Variants in CCSER1 observed in about 807,000 individuals in gnomAD.
The protein encoded by CCSER1 is serine-rich coiled-coil domain-containing protein 1.
Under a neutral mutation model 82.0 loss-of-function variants are expected in CCSER1, and 41 were observed. The ratio of observed to expected loss-of-function variants is 0.50; its 90% CI spans 0.39 to 0.65. The LOEUF (loss-of-function observed/expected upper bound fraction) is 0.65. Among genes scored for constraint, CCSER1 ranks in the 30% least tolerant of loss-of-function variants. The pLI, the probability that CCSER1 is intolerant of heterozygous loss-of-function variation, is 0.00. For synonymous variants in CCSER1, 414 were observed against 383.9 expected (o/e 1.08, Z -0.92); for missense variants, 1,119 against 1,064.2 (o/e 1.05, Z -0.72).
intron 1 of CCSER1, among the ~76,000 whole-genome samples, chr4:90,200,595 G>C (rs1325158224): frequency 6.6e-6 from 1 of 151,972 alleles, no homozygotes; most frequent in African/African-American, 2.4e-5. Context: ...AAACAGATAA[G>C]ATTACGGCTG....
intron 4 of CCSER1, among the ~76,000 whole-genome samples, chr4:90,416,409 G>T (rs78563045): frequency 6.6e-6 from 1 of 152,024 alleles, no homozygotes; most frequent in Admixed American, 6.6e-5. Flanking sequence ...TTAAAGATAG[G>T]CATATCCAAG....
chr4:91,453,819 A>G (rs948160394), intron 10 of CCSER1, among the ~76,000 whole-genome samples: 1 of 152,110 alleles, frequency 6.6e-6, no homozygotes, highest in African/African-American at 2.4e-5. Flanking sequence ...TTATCATTAT[A>G]TCACATATTT....
chr4:90,959,890 A>G (rs911872859), intron 9 of CCSER1, among the ~76,000 whole-genome samples: 2 of 152,086 alleles, frequency 1.3e-5, no homozygotes, highest in Non-Finnish European at 2.9e-5. Context: ...CATGCTTTGT[A>G]TTCTGGAGCT....
At chr4:90,486,185 C>A (rs1767022619) in intron 5 of CCSER1, among the ~76,000 whole-genome samples, 1 of 152,184 alleles carries the variant, frequency 6.6e-6, no homozygotes, top group South Asian at 2.1e-4. Context: ...ACCCCTCAAT[C>A]TAGGAAAATT....
At chr4:91,165,695 C>A (rs1298164709) in intron 10 of CCSER1, among the ~76,000 whole-genome samples, 1 of 152,262 alleles carries the variant, frequency 6.6e-6, no homozygotes, top group Non-Finnish European at 1.5e-5. Flanking sequence ...GACTGCTGCG[C>A]TAGCAGTCAG....
chr4:91,076,102 A>G (rs375921418), intron 9 of CCSER1, among the ~76,000 whole-genome samples: 217 of 152,206 alleles, frequency 1.4e-3, no homozygotes, highest in African/African-American at 5.1e-3. Flanking sequence ...TTGAAACACA[A>G]TCTTGTCTAA....
intron 10 of CCSER1, among the ~76,000 whole-genome samples, chr4:91,121,779 T>A (rs1374110713): frequency 6.6e-6 from 1 of 151,568 alleles, no homozygotes; most frequent in Admixed American, 6.6e-5. Flanking sequence ...AGCACTATAG[T>A]TATCATTTAT....
intron 3 of CCSER1, among the ~76,000 whole-genome samples, chr4:90,390,915 T>A (rs1465253804): frequency 6.6e-6 from 1 of 152,140 alleles, no homozygotes; most frequent in Non-Finnish European, 1.5e-5. Context: ...AATGTACAAC[T>A]GTTCCTTTTT....
intron 10 of CCSER1, among the ~76,000 whole-genome samples, chr4:91,516,001 A>T (rs1760100405): frequency 6.6e-6 from 1 of 150,964 alleles, no homozygotes. Flanking sequence ...GGCTTCATGT[A>T]TGTCTTCTTT....
At chr4:90,534,286 C>G (rs750475214) in intron 5 of CCSER1, among the ~76,000 whole-genome samples, 4 of 152,144 alleles carry the variant, frequency 2.6e-5, no homozygotes, top group Non-Finnish European at 4.4e-5. Flanking sequence ...CCCGCCACCA[C>G]GCCTGGCTAA....
intron 10 of CCSER1, among the ~76,000 whole-genome samples, chr4:91,473,941 T>C (rs757586314): frequency 2.0e-5 from 3 of 152,092 alleles, no homozygotes; most frequent in Non-Finnish European, 4.4e-5. Context: ...ACAAGTATTA[T>C]TCCCTCAAAT....
At chr4:91,518,473 A>G (rs1007899771) in intron 10 of CCSER1, among the ~76,000 whole-genome samples, 1 of 152,158 alleles carries the variant, frequency 6.6e-6, no homozygotes, top group Admixed American at 6.5e-5. Context: ...AAGCTAGGGA[A>G]GTACCACTGC....
intron 7 of CCSER1, among the ~76,000 whole-genome samples, chr4:90,757,119 A>G (rs1247204157): frequency 6.6e-6 from 1 of 152,204 alleles, no homozygotes; most frequent in Admixed American, 6.5e-5. Flanking sequence ...ATGGAATTGG[A>G]TAAGAGATTC....
intron 10 of CCSER1, among the ~76,000 whole-genome samples, chr4:91,293,082 G>T (rs896961334): frequency 6.6e-6 from 1 of 151,884 alleles, no homozygotes; most frequent in Non-Finnish European, 1.5e-5. Context: ...AAAATAATTT[G>T]CCTGTTTTTA....
At position 90,763,028 on chromosome 4, in the gene CCSER1, A is replaced by T. The variant is rs141271604; in HGVS notation, c.2010+39037A>T. ...GTGATCAGAACCTCAAGGAGGCAAG[A>T]AACAGACTGCTGTAAATGGTCAAAG... is the stretch of plus-strand genomic sequence containing the variant. On this transcript the variant is annotated intron_variant, in intron 7 of 10. Transcript: ENST00000509176. 2.6e-5 allele frequency among the ~76,000 whole-genome samples: 4 copies of T among 152,166 alleles called. No homozygotes were observed. The East Asian group carries it at 7.8e-4, about 30-fold the overall frequency.
intron 1 of CCSER1, among the ~76,000 whole-genome samples, chr4:90,292,139 C>G (rs1731051159): frequency 1.3e-5 from 2 of 151,900 alleles, no homozygotes; most frequent in Admixed American, 1.3e-4. Context: ...CTTTGACTGT[C>G]TTTACTATCA....
intron 1 of CCSER1, among the ~76,000 whole-genome samples, chr4:90,197,222 G>T (rs1455327046): frequency 6.6e-6 from 1 of 152,088 alleles, no homozygotes. Flanking sequence ...AGATGGATAG[G>T]TTAAGGTATG....
intron 5 of CCSER1, among the ~76,000 whole-genome samples, chr4:90,513,850 G>A (rs937534440): frequency 1.3e-5 from 2 of 152,180 alleles, no homozygotes. Context: ...CGGTTGGTGT[G>A]ATCTGATGTT....
chr4:91,583,700 T>C (rs1360165526), intron 10 of CCSER1, among the ~76,000 whole-genome samples: 1 of 151,560 alleles, frequency 6.6e-6, no homozygotes, highest in Non-Finnish European at 1.5e-5. Flanking sequence ...CACTAAGTAG[T>C]ACAAATATTA....
Sources: gnomAD v4.1 joint callset for allele counts (sites outside exome capture counted in the v4.1 genomes callset) on GRCh38, gnomAD v4.1.1 for gene constraint, MANE v1.5 for transcripts, NCBI Gene and HGNC (gene_info 2026-07-23, HGNC 2026-07-21) for gene names.